The following GRIK3 variants were observed in gnomAD, a reference collection of about 807,000 sequenced individuals.
The protein encoded by GRIK3 is glutamate ionotropic receptor kainate type subunit 3.
GRIK3 carries 29 observed loss-of-function variants against 102.5 expected under a neutral mutation model. The ratio of observed to expected loss-of-function variants is 0.28; its 90% CI spans 0.21 to 0.39. GRIK3 has a LOEUF of 0.39. Ranked by LOEUF, GRIK3 falls within the 10% of genes least tolerant of loss-of-function variation. GRIK3 has a pLI of 1.00. For missense variants in GRIK3, 908 were observed against 1,252.4 expected (o/e 0.73, Z 4.15); for synonymous variants, 511 against 504.9 (o/e 1.01, Z -0.16).
intron 1 of GRIK3, among the ~76,000 whole-genome samples, chr1:36,964,148 T>C (rs1642056154): frequency 6.6e-6 from 1 of 152,210 alleles, no homozygotes; most frequent in South Asian, 2.1e-4. Context: ...GACACCAGGC[T>C]GCTTACACAG....
chr1:37,016,893 G>A (rs1272185904), intron 1 of GRIK3, among the ~76,000 whole-genome samples: 2 of 152,104 alleles, frequency 1.3e-5, no homozygotes, highest in East Asian at 1.9e-4. Flanking sequence ...CAAGCAAAGA[G>A]GTTAGTCTTC....
intron 1 of GRIK3, among the ~76,000 whole-genome samples, chr1:36,902,519 A>G (rs1641242678): frequency 6.6e-6 from 1 of 152,224 alleles, no homozygotes; most frequent in African/African-American, 2.4e-5. Context: ...GAACAACTGG[A>G]CATCCACATG....
chr1:36,804,233 C>T (rs1265350419), intron 15 of GRIK3, among the ~76,000 whole-genome samples: 1 of 152,156 alleles, frequency 6.6e-6, no homozygotes, highest in Non-Finnish European at 1.5e-5. Context: ...CTGCAATATC[C>T]TTGAACTTCT....
At chr1:36,921,562 T>A (rs968652613) in intron 1 of GRIK3, among the ~76,000 whole-genome samples, 13 of 152,216 alleles carry the variant, frequency 8.5e-5, no homozygotes, top group African/African-American at 3.1e-4. Flanking sequence ...GAGCTCTTGA[T>A]AAATGGCAGC....
intron 2 of GRIK3, among the ~76,000 whole-genome samples, chr1:36,884,227 G>C (rs765898840): frequency 2.6e-5 from 4 of 152,248 alleles, no homozygotes; most frequent in Non-Finnish European, 4.4e-5. Flanking sequence ...TGTCACCTTT[G>C]AGTCAACATG....
At chr1:36,824,259 C>T (rs189579571) in intron 11 of GRIK3, among the ~76,000 whole-genome samples, 70 of 152,268 alleles carry the variant, frequency 4.6e-4, no homozygotes, top group African/African-American at 1.6e-3. Flanking sequence ...CAGAAAAGCC[C>T]GAGAAGGTGG....
chr1:36,817,329 G>A (rs755482201), intron 12 of GRIK3, 52 bp from the exon 13 acceptor site: 3 of 1,220,978 alleles, frequency 2.5e-6, no homozygotes, highest in Non-Finnish European at 3.6e-6. Context: ...GACTAGCGCT[G>A]CTCAAGTCCC....
rs1642865725 is a variant in GRIK3, at chr1:37,034,428, C to G, written c.-320G>C. 6.6e-6 allele frequency among the ~76,000 whole-genome samples: 1 copy of G among 151,266 alleles called. No individual in the cohort carries two copies. The highest frequency in any genetic ancestry group is 6.6e-5 in the Admixed American group (1 of 15,236). On this transcript the variant is annotated 5_prime_UTR_variant, in exon 1 of 16. Transcript: ENST00000373091. ...GCTCCCGCGCGGGCTCCCACCTGCC[C>G]CGGCTGCCGGGCTCTGGCGGGCGGG...
intron 1 of GRIK3, among the ~76,000 whole-genome samples, chr1:36,923,306 A>T (rs1641493660): frequency 6.6e-6 from 1 of 152,248 alleles, no homozygotes. Context: ...CAGAGGCAGC[A>T]GCAGGGGGTA....
chr1:36,818,487 T>C (rs922008739), intron 12 of GRIK3, among the ~76,000 whole-genome samples: 1 of 152,210 alleles, frequency 6.6e-6, no homozygotes, highest in Non-Finnish European at 1.5e-5. Flanking sequence ...AAACCAGGCT[T>C]TGGGCTGCTC....
intron 1 of GRIK3, among the ~76,000 whole-genome samples, chr1:36,962,639 GAA>G (rs942413354): frequency 3.9e-5 from 5 of 128,934 alleles, no homozygotes; most frequent in African/African-American, 9.4e-5. Context: ...AGAGGGAGAG[GAA>G]GAGAGAGAGA....
chr1:36,946,577 T>C (rs1381940367), intron 1 of GRIK3, among the ~76,000 whole-genome samples: 1 of 152,220 alleles, frequency 6.6e-6, no homozygotes, highest in Non-Finnish European at 1.5e-5. Flanking sequence ...GGGAAGGATC[T>C]ATCTGGGTGG....
At chr1:36,815,770 T>A (rs11488631) in intron 13 of GRIK3, among the ~76,000 whole-genome samples, 3 of 152,062 alleles carry the variant, frequency 2.0e-5, no homozygotes, top group Admixed American at 1.3e-4. Flanking sequence ...TTCTTTTTTT[T>A]ATTTTTTGAG....
At chr1:36,864,380 A>G (rs938300226) in intron 5 of GRIK3, among the ~76,000 whole-genome samples, 6 of 152,212 alleles carry the variant, frequency 3.9e-5, no homozygotes, top group African/African-American at 1.4e-4. Context: ...CTCTGCCTAC[A>G]GGGGGCGCCC....
rs369082447 is a variant in GRIK3, at chr1:36,872,376, G to T, written c.551-7C>A. The T allele has an allele frequency of 6.3e-7, 1 of 1,575,848 alleles. No individual in the cohort carries two copies. On this transcript the variant is annotated splice_region_variant and splice_polypyrimidine_tract_variant and intron_variant, in intron 3 of 15. Transcript: ENST00000373091. This position sits in a 1 kb window ranked among gnomAD's most constrained non-coding sequence, Gnocchi z 5.9. Reference sequence around the variant, plus strand: ...TCCTGCAGTCGGATGAGCCCTGAGGGGCCATGGAGCACAAAAGACACACGT... The same window carrying T: ...TCCTGCAGTCGGATGAGCCCTGAGGTGCCATGGAGCACAAAAGACACACGT...
intron 1 of GRIK3, among the ~76,000 whole-genome samples, chr1:36,952,929 G>A (rs1281100352): frequency 6.6e-6 from 1 of 152,170 alleles, no homozygotes; most frequent in South Asian, 2.1e-4. Context: ...GGAACAGCAC[G>A]TGCAACACTT....
intron 1 of GRIK3, among the ~76,000 whole-genome samples, chr1:36,910,891 A>G (rs960648719): frequency 6.6e-6 from 1 of 152,070 alleles, no homozygotes; most frequent in Non-Finnish European, 1.5e-5. Flanking sequence ...ACAGGAGGTG[A>G]GTGGGGGGGC....
At chr1:36,862,910 A>G (rs1447256530) in intron 5 of GRIK3, among the ~76,000 whole-genome samples, 1 of 152,180 alleles carries the variant, frequency 6.6e-6, no homozygotes, top group Non-Finnish European at 1.5e-5. Context: ...TGTGACAGCT[A>G]CTGGGTACAT....
intron 7 of GRIK3, among the ~76,000 whole-genome samples, chr1:36,857,068 C>T (rs1055147231): frequency 2.6e-5 from 4 of 152,222 alleles, no homozygotes; most frequent in African/African-American, 9.6e-5. Flanking sequence ...CTATTTTTAT[C>T]TCCACTGGAC....
Sources: allele counts gnomAD v4.1 joint callset (sites outside exome capture counted in the v4.1 genomes callset), GRCh38; gene constraint gnomAD v4.1.1; non-coding constraint Gnocchi (gnomAD v3.1); transcripts MANE v1.5; gene names NCBI Gene and HGNC (gene_info 2026-07-23, HGNC 2026-07-21).